Variants in KIAA0825 observed in about 807,000 individuals in gnomAD.
The protein encoded by KIAA0825 is KIAA0825, also known as uncharacterized protein KIAA0825.
Under a neutral mutation model 147.6 loss-of-function variants are expected in KIAA0825, and 119 were observed. That is an observed-to-expected ratio of 0.81 (90% CI 0.69 to 0.94). The LOEUF (loss-of-function observed/expected upper bound fraction) is 0.94, where lower values mean the gene tolerates loss of function less well. Ranked by LOEUF, KIAA0825 falls within the 40% of genes least tolerant of loss-of-function variation. The probability of loss-of-function intolerance (pLI) is 0.00; values close to 1 mark genes in which losing one functional copy is unlikely to be tolerated. For synonymous variants in KIAA0825, 470 were observed against 518.1 expected, an observed-to-expected ratio of 0.91 and a Z score of 1.26; for missense variants, 1,381 against 1,472.7, an observed-to-expected ratio of 0.94 and a Z score of 1.02.
At chr5:94,549,114 A>G (rs894821217) in intron 2 of KIAA0825, among the ~76,000 whole-genome samples, 1 of 152,208 alleles carries the variant, frequency 6.6e-6, no homozygotes, top group Non-Finnish European at 1.5e-5. Flanking sequence ...TCCTTTATCC[A>G]ATGGCTGAAG....
intron 2 of KIAA0825, among the ~76,000 whole-genome samples, chr5:94,559,788 C>T (rs1777227085): frequency 6.6e-6 from 1 of 152,258 alleles, no homozygotes; most frequent in South Asian, 2.1e-4. Flanking sequence ...CAGACAATTC[C>T]ACATCACTGA....
chr5:94,403,619 T>C lies in KIAA0825; in HGVS notation c.2837A>G (p.Lys946Arg). 1 of 1,551,582 alleles carries C rather than the reference T, an allele frequency of 6.4e-7. No homozygotes were observed. Among genetic ancestry groups the C allele is most frequent in the Non-Finnish European group, 8.7e-7 (1 of 1,146,896 alleles). ...VPDCLLESMP[K>R]EWNYSPKETN... ...TTCTTTTGGACTATAATTCCATTCC[T>C]TTGGCATGCTCTCAAGCAAACAATC... is the stretch of plus-strand genomic sequence containing the variant. Residue 946 changes from lysine (K) to arginine (R), a missense_variant, in exon 16 of 21, where the codon AAG (lysine) becomes AGG (arginine). By Grantham distance (26) the Lys-to-Arg change is conservative. Coordinates refer to ENST00000682413, the MANE Select transcript of KIAA0825 (RefSeq NM_001145678.3).
chr5:94,290,332 T>C (rs1338763705), intron 20 of KIAA0825, among the ~76,000 whole-genome samples: 1 of 152,182 alleles, frequency 6.6e-6, no homozygotes, highest in African/African-American at 2.4e-5. Flanking sequence ...CCCCTCCTTG[T>C]GTCCATGTGT....
chr5:94,505,016 G>A (rs948346779), intron 5 of KIAA0825, among the ~76,000 whole-genome samples: 4 of 151,648 alleles, frequency 2.6e-5, no homozygotes, highest in Admixed American at 1.3e-4. Flanking sequence ...AAAGTACTGG[G>A]ATTACAGGCA....
intron 1 of KIAA0825, among the ~76,000 whole-genome samples, chr5:94,598,500 C>T (rs543256890): frequency 6.6e-6 from 1 of 152,128 alleles, no homozygotes; most frequent in African/African-American, 2.4e-5. Context: ...TACAGGGAAG[C>T]TGTTAACTGT....
intron 20 of KIAA0825, among the ~76,000 whole-genome samples, chr5:94,300,910 T>A (rs924315897): frequency 2.6e-5 from 4 of 152,148 alleles, no homozygotes; most frequent in African/African-American, 9.6e-5. Context: ...CTTTGACGGA[T>A]TGAGTCAGTA....
chr5:94,579,565 G>A (rs528065817), intron 2 of KIAA0825, among the ~76,000 whole-genome samples: 10 of 152,162 alleles, frequency 6.6e-5, no homozygotes, highest in Non-Finnish European at 8.8e-5. Context: ...CATTAAATAC[G>A]TAAGTTAGAA....
chr5:94,481,357 C>G (rs139286786), intron 6 of KIAA0825, among the ~76,000 whole-genome samples: 2 of 152,192 alleles, frequency 1.3e-5, no homozygotes, highest in Non-Finnish European at 2.9e-5. Flanking sequence ...CACTTTCACA[C>G]CCAAATTGGT....
At chr5:94,402,621 C>G (rs987003992) in intron 16 of KIAA0825, among the ~76,000 whole-genome samples, 1 of 151,646 alleles carries the variant, frequency 6.6e-6, no homozygotes, top group South Asian at 2.1e-4. Context: ...AAAGGCTAGT[C>G]CCTTCAATTG....
At chr5:94,556,197 T>C (rs1349090894) in intron 2 of KIAA0825, among the ~76,000 whole-genome samples, 1 of 151,946 alleles carries the variant, frequency 6.6e-6, no homozygotes, top group African/African-American at 2.4e-5. Context: ...GGATTACAGG[T>C]GTGTGCCACC....
chr5:94,233,903 C>T (rs1774876261), intron 20 of KIAA0825, among the ~76,000 whole-genome samples: 1 of 152,160 alleles, frequency 6.6e-6, no homozygotes, highest in Non-Finnish European at 1.5e-5. Flanking sequence ...TTATTGTGCT[C>T]CACAGATATT....
intron 20 of KIAA0825, among the ~76,000 whole-genome samples, chr5:94,380,671 G>A (rs1748275951): frequency 6.6e-6 from 1 of 152,240 alleles, no homozygotes; most frequent in African/African-American, 2.4e-5. Flanking sequence ...CTCCTCAGGA[G>A]GTAACATTTG....
intron 20 of KIAA0825, among the ~76,000 whole-genome samples, chr5:94,235,149 G>A (rs917382708): frequency 1.3e-5 from 2 of 152,216 alleles, no homozygotes; most frequent in Non-Finnish European, 2.9e-5. Flanking sequence ...TAAGCTTAGT[G>A]AGGGAGCATA....
intron 2 of KIAA0825, among the ~76,000 whole-genome samples, chr5:94,560,426 C>G (rs925523890): frequency 6.6e-6 from 1 of 152,114 alleles, no homozygotes; most frequent in Non-Finnish European, 1.5e-5. Context: ...ACCTAATTGC[C>G]CTGTTTCTTG....
intron 18 of KIAA0825, among the ~76,000 whole-genome samples, chr5:94,388,826 T>C (rs751664285): frequency 1.3e-4 from 20 of 152,228 alleles, no homozygotes; most frequent in Non-Finnish European, 2.4e-4. Context: ...AGATTTCCAT[T>C]CTTTCTTGAA....
intron 20 of KIAA0825, among the ~76,000 whole-genome samples, chr5:94,175,616 T>G (rs2149961150): frequency 6.6e-6 from 1 of 152,296 alleles, no homozygotes; most frequent in East Asian, 1.9e-4. Context: ...GTTCTAAGTT[T>G]CTCTCCCTTA....
chr5:94,596,602 A>G (rs1785361204), intron 1 of KIAA0825, among the ~76,000 whole-genome samples: 1 of 152,138 alleles, frequency 6.6e-6, no homozygotes, highest in South Asian at 2.1e-4. Context: ...GTTTTTTTCT[A>G]GTCTCTGAAG....
intron 15 of KIAA0825, among the ~76,000 whole-genome samples, chr5:94,408,665 G>A (rs1364302099): frequency 6.6e-6 from 1 of 152,056 alleles, no homozygotes; most frequent in African/African-American, 2.4e-5. Context: ...GAGCCACCAC[G>A]CCTGGCCCAG....
chr5:94,603,985 T>G (rs1369143101), intron 1 of KIAA0825, among the ~76,000 whole-genome samples: 1 of 152,186 alleles, frequency 6.6e-6, no homozygotes, highest in African/African-American at 2.4e-5. Context: ...AATGAGAGAC[T>G]TTAATACCCC....
Sources: allele counts gnomAD v4.1 joint callset (sites outside exome capture counted in the v4.1 genomes callset), GRCh38; gene constraint gnomAD v4.1.1; transcripts MANE v1.5; gene names NCBI Gene and HGNC (gene_info 2026-07-23, HGNC 2026-07-21).